UGGT1: variants seen among roughly 807,000 people sequenced by gnomAD.
UGGT1 encodes UDP-glucose:glycoprotein glucosyltransferase 1.
A neutral mutation model predicts 203.9 loss-of-function variants in UGGT1; 107 were observed. The observed-to-expected ratio is 0.52, with a 90% CI of 0.45 to 0.62. The LOEUF (loss-of-function observed/expected upper bound fraction) is 0.62, where lower values mean the gene tolerates loss of function less well. UGGT1 is among the 20% of genes least tolerant of loss of function. UGGT1 has a pLI of 0.00. For missense variants in UGGT1, 1,673 were observed against 1,867.2 expected (o/e 0.90, Z 1.92); for synonymous variants, 628 against 653.5 (o/e 0.96, Z 0.59).
intron 3 of UGGT1, among the ~76,000 whole-genome samples, chr2:128,106,092 A>G (rs996842136): frequency 6.7e-6 from 1 of 148,492 alleles, no homozygotes; most frequent in African/African-American, 2.5e-5. Context: ...GGCGTGGGCC[A>G]CCATGCCCAG....
At chr2:128,146,038 G>A in intron 18 of UGGT1, 71 bp downstream of exon 18, 1 of 1,574,650 alleles carries the variant, frequency 6.4e-7, no homozygotes, top group Non-Finnish European at 8.7e-7. Flanking sequence ...CTCTATAGTA[G>A]GCAGTAAAAT....
At chr2:128,187,172 G>T in intron 39 of UGGT1, 1 of 322,870 alleles carries the variant, frequency 3.1e-6, no homozygotes. Context: ...CTTACAATCT[G>T]CTGAGTCACT....
intron 37 of UGGT1, among the ~76,000 whole-genome samples, chr2:128,182,546 A>G (rs1298601971): frequency 1.3e-5 from 2 of 152,214 alleles, no homozygotes; most frequent in East Asian, 3.9e-4. Flanking sequence ...TAAAAATACA[A>G]AAATTAGCTG....
At chr2:128,154,058 T>TACAC (rs768281875) in intron 19 of UGGT1, among the ~76,000 whole-genome samples, 1,216 of 86,852 alleles carry the variant, frequency 0.014, 4 homozygotes, top group African/African-American at 0.041. Flanking sequence ...TACATGTATA[T>TACAC]ATACACACAC....
chr2:128,177,372 C>T (rs1427220887), intron 32 of UGGT1, among the ~76,000 whole-genome samples: 1 of 152,092 alleles, frequency 6.6e-6, no homozygotes, highest in Non-Finnish European at 1.5e-5. Context: ...ATAGGCCATC[C>T]ATTGTTGAGA....
At chr2:128,102,035 T>G (rs1262936871) in intron 2 of UGGT1, among the ~76,000 whole-genome samples, 3 of 152,204 alleles carry the variant, frequency 2.0e-5, no homozygotes, top group Admixed American at 2.0e-4. Context: ...CATCCTGTTT[T>G]AACAATTATC....
Position 128,129,013 on chromosome 2 carries a change from T to TA in UGGT1, c.1227-16_1227-15insA. ...TTTTTTTCCTAGTAAATATCTCTTT[T>TA]TGTTTTTCCCCCCAGTCTGTTTGAT... On this transcript the variant is annotated splice_polypyrimidine_tract_variant and intron_variant, in intron 12 of 40. Transcript: ENST00000259253. 65 of 1,543,358 alleles carry TA rather than the reference T, an allele frequency of 4.2e-5. No homozygotes were observed. The highest frequency in any genetic ancestry group is 5.6e-5 in the Non-Finnish European group (64 of 1,150,156).
intron 8 of UGGT1, among the ~76,000 whole-genome samples, chr2:128,119,871 CAA>C (rs1279734995): frequency 6.6e-6 from 1 of 150,552 alleles, no homozygotes; most frequent in South Asian, 2.1e-4. Flanking sequence ...GGAAAACAAA[CAA>C]AAAATAAAAC....
At chr2:128,185,554 G>A (rs1389365798) in intron 38 of UGGT1, among the ~76,000 whole-genome samples, 1 of 144,056 alleles carries the variant, frequency 6.9e-6, no homozygotes, top group South Asian at 2.3e-4. Context: ...GCTCACTGCA[G>A]CCTCGAACTC....
intron 26 of UGGT1, among the ~76,000 whole-genome samples, chr2:128,170,083 G>A (rs1691015268): frequency 6.6e-6 from 1 of 152,036 alleles, no homozygotes; most frequent in Non-Finnish European, 1.5e-5. Context: ...TCTTTACATG[G>A]ACCTTTCAGT....
intron 15 of UGGT1, among the ~76,000 whole-genome samples, chr2:128,135,322 A>T (rs1384253565): frequency 5.9e-5 from 9 of 152,268 alleles, no homozygotes; most frequent in Non-Finnish European, 1.3e-4. Flanking sequence ...CCTGTCAAGG[A>T]CTAAACATAT....
chr2:128,147,145 C>T (rs150895064), intron 18 of UGGT1, among the ~76,000 whole-genome samples: 8 of 152,336 alleles, frequency 5.3e-5, no homozygotes, highest in African/African-American at 1.9e-4. Flanking sequence ...TCCTCTCATT[C>T]TGGAAATATG....
intron 23 of UGGT1, 139 bp from the exon 24 acceptor site, chr2:128,160,321 A>G (rs1479823205): frequency 1.8e-5 from 15 of 840,850 alleles, no homozygotes; most frequent in Non-Finnish European, 2.6e-5. Context: ...TGGAGAATTG[A>G]CACATCTTAA....
At chr2:128,123,654 C>G (rs1169986628) in intron 11 of UGGT1, among the ~76,000 whole-genome samples, 1 of 152,150 alleles carries the variant, frequency 6.6e-6, no homozygotes, top group Non-Finnish European at 1.5e-5. Flanking sequence ...CTCAGTGTCC[C>G]ACCACTATTC....
chr2:128,182,115 T>C lies in UGGT1; in HGVS notation c.4084-15T>C. On this transcript the variant is annotated splice_polypyrimidine_tract_variant and intron_variant, in intron 36 of 40. Transcript: ENST00000259253. ...CTGCATGGTTGCTTAACAAATGACT[T>C]TTTATATTCTCCAGATTGTACGAAC... is the stretch of plus-strand genomic sequence containing the variant. 1 of 1,611,498 alleles carries C rather than the reference T, an allele frequency of 6.2e-7. No homozygotes were observed. Among genetic ancestry groups the C allele is most frequent in the Non-Finnish European group, 8.5e-7 (1 of 1,178,610 alleles).
At chr2:128,121,450 G>A (rs538473064) in intron 10 of UGGT1, 152 bp downstream of exon 10, 1 of 582,836 alleles carries the variant, frequency 1.7e-6, no homozygotes, top group East Asian at 3.4e-5. Flanking sequence ...TTGTTGCCGA[G>A]GCTAGAGTGC....
At chr2:128,175,551 T>G (rs534992059) in intron 31 of UGGT1, among the ~76,000 whole-genome samples, 3 of 152,212 alleles carry the variant, frequency 2.0e-5, no homozygotes, top group Admixed American at 6.5e-5. Flanking sequence ...CTTAATTAGC[T>G]CCGTAGCGAC....
At chr2:128,122,407 G>T (rs926635039) in intron 10 of UGGT1, among the ~76,000 whole-genome samples, 1 of 152,058 alleles carries the variant, frequency 6.6e-6, no homozygotes, top group Non-Finnish European at 1.5e-5. Flanking sequence ...GGTGGCAGGG[G>T]TCTGTAATCC....
chr2:128,135,252 C>T lies in UGGT1; in HGVS notation c.1583+291C>T, dbSNP rs1573550518. On this transcript the variant is annotated intron_variant, in intron 15 of 40. Coordinates refer to ENST00000259253, the MANE Select transcript of UGGT1 (RefSeq NM_020120.4). ...GGGAATTTTCCTAGGTGAGTGTCCA[C>T]ATCACAAAACCTATTTCCACTTTCA... 2.6e-5 allele frequency among the ~76,000 whole-genome samples: 4 copies of T among 152,342 alleles called. No individual in the cohort carries two copies. In the East Asian group the frequency reaches 7.7e-4, roughly 29 times the overall value.
Sources: allele counts gnomAD v4.1 joint callset (sites outside exome capture counted in the v4.1 genomes callset), GRCh38; gene constraint gnomAD v4.1.1; transcripts MANE v1.5; gene names NCBI Gene and HGNC (gene_info 2026-07-23, HGNC 2026-07-21).